Variants in ESCO1 observed in about 807,000 individuals in gnomAD.
ESCO1 encodes N-acetyltransferase ESCO1.
A neutral mutation model predicts 83.5 loss-of-function variants in ESCO1; 33 were observed. That is an observed-to-expected ratio of 0.40 (90% CI 0.30 to 0.53). The LOEUF is 0.53. Ranked by LOEUF, ESCO1 falls within the 20% of genes least tolerant of loss-of-function variation. ESCO1 has a pLI of 0.63. For missense variants in ESCO1, 855 were observed against 968.0 expected (o/e 0.88, Z 1.55); for synonymous variants, 332 against 324.3 (o/e 1.02, Z -0.25).
chr18:21,569,802 G>T (rs1333933056), intron 4 of ESCO1, among the ~76,000 whole-genome samples: 1 of 152,124 alleles, frequency 6.6e-6, no homozygotes, highest in Non-Finnish European at 1.5e-5. Flanking sequence ...AGTGAGCCAA[G>T]ATCACACCAC....
chr18:21,562,874 ATTT>A (rs563652674), intron 7 of ESCO1, among the ~76,000 whole-genome samples: 1 of 143,928 alleles, frequency 6.9e-6, no homozygotes. Flanking sequence ...CCATGTTATT[ATTT>A]TTTTTTTTTT....
At chr18:21,541,592 C>CAAAAAAA (rs58040604) in intron 8 of ESCO1, among the ~76,000 whole-genome samples, 3 of 86,808 alleles carry the variant, frequency 3.5e-5, no homozygotes, top group South Asian at 4.2e-4. Context: ...GACACTGTCC[C>CAAAAAAA]AAAAAAAAAA....
intron 2 of ESCO1, among the ~76,000 whole-genome samples, chr18:21,582,985 A>G (rs2038523752): frequency 1.3e-5 from 2 of 151,830 alleles, no homozygotes; most frequent in Non-Finnish European, 2.9e-5. Context: ...TGAGGTCAGG[A>G]GTTCGAGACC....
intron 1 of ESCO1, among the ~76,000 whole-genome samples, chr18:21,592,210 C>T (rs2038681281): frequency 6.7e-6 from 1 of 150,266 alleles, no homozygotes; most frequent in Admixed American, 6.6e-5. Flanking sequence ...GGGGTGGTGG[C>T]CGGGCAGAGG....
intron 6 of ESCO1, among the ~76,000 whole-genome samples, chr18:21,564,857 C>T (rs1054235738): frequency 4.6e-5 from 7 of 151,406 alleles, no homozygotes; most frequent in Non-Finnish European, 8.8e-5. Flanking sequence ...CTCAGGAGAT[C>T]GCGACCAGCC....
chr18:21,550,262 C>T (rs1003819488), intron 8 of ESCO1, among the ~76,000 whole-genome samples: 1 of 152,148 alleles, frequency 6.6e-6, no homozygotes, highest in African/African-American at 2.4e-5. Flanking sequence ...CAGTTAATAA[C>T]CAACAGTCAT....
chr18:21,569,729 G>A (rs963168927), intron 4 of ESCO1, among the ~76,000 whole-genome samples: 8 of 152,076 alleles, frequency 5.3e-5, no homozygotes, highest in Non-Finnish European at 1.0e-4. Context: ...GTGTGGTGGC[G>A]GTCCCAGTTA....
intron 9 of ESCO1, among the ~76,000 whole-genome samples, 190 bp from the exon 10 acceptor site, chr18:21,536,375 A>G (rs2037837192): frequency 6.6e-6 from 1 of 152,016 alleles, no homozygotes; most frequent in South Asian, 2.1e-4. Context: ...GGATTGCCTG[A>G]GCTCAGGAGT....
chr18:21,547,346 C>G (rs1350773699), intron 8 of ESCO1, among the ~76,000 whole-genome samples: 2 of 75,484 alleles, frequency 2.6e-5, no homozygotes, highest in East Asian at 7.8e-4. Context: ...TCATTGCTTA[C>G]AGATTTGAAA....
chr18:21,578,917 G>A (rs2038455740), intron 2 of ESCO1, among the ~76,000 whole-genome samples: 1 of 152,112 alleles, frequency 6.6e-6, no homozygotes, highest in South Asian at 2.1e-4. Context: ...CTGGAGTGCA[G>A]TGGCACCATC....
chr18:21,566,067 A>C, intron 6 of ESCO1, 79 bp downstream of exon 6: 2 of 1,340,584 alleles, frequency 1.5e-6, no homozygotes, highest in Non-Finnish European at 2.1e-6. Flanking sequence ...TACTAGCATA[A>C]CTTTTTAGGG....
At chr18:21,578,584 A>C (rs2038450948) in intron 2 of ESCO1, among the ~76,000 whole-genome samples, 1 of 152,176 alleles carries the variant, frequency 6.6e-6, no homozygotes, top group Non-Finnish European at 1.5e-5. Context: ...TGCCAGGTAC[A>C]GTGGCATGTC....
intron 8 of ESCO1, among the ~76,000 whole-genome samples, chr18:21,544,404 C>T (rs1409514127): frequency 2.0e-5 from 3 of 150,868 alleles, no homozygotes; most frequent in East Asian, 1.9e-4. Context: ...GTCAGAAGTT[C>T]GAGACCAGCC....
chr18:21,538,270 G>T (rs1034917427), intron 9 of ESCO1, among the ~76,000 whole-genome samples: 2 of 147,448 alleles, frequency 1.4e-5, no homozygotes, highest in African/African-American at 5.0e-5. Context: ...TGGGCAACAC[G>T]GTGAGACCCT....
At chr18:21,575,889 A>T in intron 2 of ESCO1, 112 bp from the exon 3 acceptor site, 1 of 255,018 alleles carries the variant, frequency 3.9e-6, no homozygotes, top group East Asian at 1.1e-4. Context: ...TCCTACCATT[A>T]GTCATTATTT....
chr18:21,541,612 GAAA>G (rs1248277312), intron 8 of ESCO1, among the ~76,000 whole-genome samples: 6 of 123,412 alleles, frequency 4.9e-5, no homozygotes, highest in Non-Finnish European at 1.7e-5. Flanking sequence ...AAAAAAAAAA[GAAA>G]GAAAGTAAAT....
chr18:21,590,079 G>A lies in ESCO1; in HGVS notation c.-824-5639C>T, dbSNP rs8098438. The stretch of plus-strand genomic sequence containing the variant: ...CCTGACCTCGTGATCCACCCGTGTC[G>A]GCCTCCCAAAGTGCTGGGATTACAG... On this transcript the variant is annotated intron_variant, in intron 1 of 11. Transcript: ENST00000269214. Among the ~76,000 whole-genome samples the A allele has an allele frequency of 5.4e-3, 823 of 151,658 alleles. 9 individuals carry two copies. The highest frequency in any genetic ancestry group is 0.017 in the African/African-American group (685 of 41,324).
At chr18:21,595,364 CAAAAAAA>C (rs781532392) in intron 1 of ESCO1, among the ~76,000 whole-genome samples, 4 of 43,746 alleles carry the variant, frequency 9.1e-5, no homozygotes, top group Admixed American at 2.5e-4. Flanking sequence ...AACTCCGTCT[CAAAAAAA>C]AAAAAAAAAA....
At chr18:21,576,493 A>G (rs2038420203) in intron 2 of ESCO1, among the ~76,000 whole-genome samples, 1 of 152,194 alleles carries the variant, frequency 6.6e-6, no homozygotes, top group African/African-American at 2.4e-5. Context: ...AAAGAGTGAG[A>G]CCCATATCTA....
Sources: allele counts gnomAD v4.1 joint callset (sites outside exome capture counted in the v4.1 genomes callset), GRCh38; gene constraint gnomAD v4.1.1; transcripts MANE v1.5; gene names NCBI Gene and HGNC (gene_info 2026-07-23, HGNC 2026-07-21).